Variants in MARK3 observed in about 807,000 individuals in gnomAD.
The protein encoded by MARK3 is MAP/microtubule affinity-regulating kinase 3.
A neutral mutation model predicts 90.1 loss-of-function variants in MARK3; 46 were observed. That is an observed-to-expected ratio of 0.51 (90% CI 0.40 to 0.65). The LOEUF is 0.65. Among genes scored for constraint, MARK3 ranks in the 30% least tolerant of loss-of-function variants. The pLI is 0.00. For missense variants in MARK3, 818 were observed against 947.2 expected, an observed-to-expected ratio of 0.86 and a Z score of 1.79; for synonymous variants, 321 against 332.6, an observed-to-expected ratio of 0.97 and a Z score of 0.38.
At chr14:103,468,589 G>A (rs1051036268) in intron 12 of MARK3, among the ~76,000 whole-genome samples, 38 of 151,798 alleles carry the variant, frequency 2.5e-4, no homozygotes, top group Non-Finnish European at 4.4e-4. Flanking sequence ...GCCTCCCAGA[G>A]CGCTGGAATT....
At chr14:103,405,031 T>G (rs2140679296) in intron 1 of MARK3, 45 bp from the exon 2 acceptor site, 1 of 1,516,048 alleles carries the variant, frequency 6.6e-7, no homozygotes, top group South Asian at 1.2e-5. Context: ...TGGCAAGTAC[T>G]CTGTGTTCTC....
chr14:103,462,538 G>A (rs561624048), intron 7 of MARK3, 77 bp downstream of exon 7: 5 of 1,053,624 alleles, frequency 4.7e-6, no homozygotes, highest in Non-Finnish European at 7.0e-6. Flanking sequence ...ACACAAATGA[G>A]GTATAGATTA....
intron 3 of MARK3, among the ~76,000 whole-genome samples, chr14:103,436,207 A>G (rs1431420641): frequency 4.6e-5 from 7 of 152,070 alleles, no homozygotes; most frequent in African/African-American, 9.7e-5. Flanking sequence ...TATTTTAAAG[A>G]TGACCCCTTC....
At chr14:103,412,459 G>T in intron 2 of MARK3, 1 of 541,700 alleles carries the variant, frequency 1.8e-6, no homozygotes, top group Non-Finnish European at 3.3e-6. Flanking sequence ...CATACTTCTT[G>T]GCCAGCTTCT....
At chr14:103,416,086 G>A (rs1427818331) in intron 2 of MARK3, among the ~76,000 whole-genome samples, 1 of 152,066 alleles carries the variant, frequency 6.6e-6, no homozygotes, top group African/African-American at 2.4e-5. Flanking sequence ...GTAAAGCTTT[G>A]TCTAAAATTA....
chr14:103,407,287 A>C (rs1017638537), intron 2 of MARK3, among the ~76,000 whole-genome samples: 1 of 152,156 alleles, frequency 6.6e-6, no homozygotes, highest in African/African-American at 2.4e-5. Context: ...TCAGGTATAC[A>C]CTTATGTGTA....
At chr14:103,499,283 A>G (rs922054326) in intron 16 of MARK3, 1 of 151,098 alleles carries the variant, frequency 6.6e-6, no homozygotes, top group Non-Finnish European at 1.5e-5. Flanking sequence ...ACATGGCAAA[A>G]CCCCGCCTCT....
intron 3 of MARK3, among the ~76,000 whole-genome samples, chr14:103,433,422 A>G (rs2092640282): frequency 6.6e-6 from 1 of 151,588 alleles, no homozygotes; most frequent in Non-Finnish European, 1.5e-5. Context: ...GGCTGGACGC[A>G]GTGGCACACG....
At chr14:103,390,522 A>G (rs1377219876) in intron 1 of MARK3, among the ~76,000 whole-genome samples, 1 of 152,242 alleles carries the variant, frequency 6.6e-6, no homozygotes, top group South Asian at 2.1e-4. Flanking sequence ...CCCGGGCCAC[A>G]TTGGAAGAAT....
Position 103,390,204 on chromosome 14 carries a change from C to T in MARK3, c.51+4124C>T, listed in dbSNP as rs867020792. Among the ~76,000 whole-genome samples, 59 of 142,446 alleles carry T rather than the reference C, an allele frequency of 4.1e-4. 1 individual carries two copies. The highest frequency in any genetic ancestry group is 1.5e-3 in the African/African-American group (56 of 38,234). The allele number at this position is 142,446 out of a possible 152,430, so 93.5% of individuals were successfully genotyped here. A position where few individuals can be genotyped will look rare whatever the true frequency, so the allele number is the denominator to read the frequency against. Reference sequence around the variant, plus strand: ...CGGAGCTTGCAGTGAGCCAAGATGGCGCCACTGCACTCCAGCCTGGGCGAC... The same window carrying T: ...CGGAGCTTGCAGTGAGCCAAGATGGTGCCACTGCACTCCAGCCTGGGCGAC... On this transcript the variant is annotated intron_variant, in intron 1 of 17. Transcript: ENST00000429436.
At chr14:103,436,321 C>G (rs988561469) in intron 3 of MARK3, among the ~76,000 whole-genome samples, 2 of 152,166 alleles carry the variant, frequency 1.3e-5, no homozygotes, top group Non-Finnish European at 2.9e-5. Context: ...GTACCCAGTT[C>G]CTGGCCTCCT....
intron 1 of MARK3, among the ~76,000 whole-genome samples, chr14:103,389,491 G>A (rs1380366562): frequency 5.7e-5 from 7 of 122,112 alleles, no homozygotes; most frequent in Non-Finnish European, 9.6e-5. Flanking sequence ...TCATGCCACT[G>A]CACTGCAGCC....
intron 4 of MARK3, among the ~76,000 whole-genome samples, chr14:103,451,051 C>T (rs1029368915): frequency 6.6e-6 from 1 of 151,114 alleles, no homozygotes; most frequent in African/African-American, 2.4e-5. Flanking sequence ...CCACCTCAGC[C>T]TCCCGAGTAG....
At chr14:103,397,055 A>G (rs1349486186) in intron 1 of MARK3, among the ~76,000 whole-genome samples, 3 of 152,148 alleles carry the variant, frequency 2.0e-5, no homozygotes, top group African/African-American at 7.2e-5. Flanking sequence ...AACGTATTAA[A>G]TATGTTTCTT....
chr14:103,456,356 G>A (rs2093278262), intron 5 of MARK3, among the ~76,000 whole-genome samples: 1 of 152,126 alleles, frequency 6.6e-6, no homozygotes, highest in East Asian at 1.9e-4. Context: ...CTCACTTGTA[G>A]TAGAGCCAGA....
intron 2 of MARK3, among the ~76,000 whole-genome samples, chr14:103,414,929 G>A (rs1239722837): frequency 6.6e-6 from 1 of 151,784 alleles, no homozygotes; most frequent in African/African-American, 2.4e-5. Context: ...TCAAGAGATC[G>A]AGACCTGAGG....
chr14:103,386,176 G>A, intron 1 of MARK3, 96 bp downstream of exon 1: 1 of 1,221,490 alleles, frequency 8.2e-7, no homozygotes, highest in Non-Finnish European at 1.2e-6. Context: ...CCAGCCGAAC[G>A]CTCTGGAAAT....
At position 103,457,223 on chromosome 14, in the gene MARK3, A is replaced by G; in HGVS notation, c.483+11A>G. The G allele has an allele frequency of 6.4e-7, 1 of 1,573,812 alleles. No homozygotes were observed. Among genetic ancestry groups the G allele is most frequent in the Admixed American group, 1.7e-5 (1 of 59,822 alleles). ...TCTAAATTTAGACAGGTATGAATTAATGTGTCTTTACTATGTCAATTTGAT... is the reference window on the plus strand; with the variant it reads ...TCTAAATTTAGACAGGTATGAATTAGTGTGTCTTTACTATGTCAATTTGAT... On this transcript the variant is annotated intron_variant, in intron 6 of 17. Coordinates refer to ENST00000429436, the MANE Select transcript of MARK3 (RefSeq NM_001128918.3).
intron 15 of MARK3, among the ~76,000 whole-genome samples, chr14:103,495,034 T>C (rs2075262489): frequency 6.6e-6 from 1 of 152,226 alleles, no homozygotes; most frequent in Non-Finnish European, 1.5e-5. Context: ...GTATCATATA[T>C]ATACACTTAT....
Sources: gnomAD v4.1 joint callset for allele counts (sites outside exome capture counted in the v4.1 genomes callset) on GRCh38, gnomAD v4.1.1 for gene constraint, MANE v1.5 for transcripts, NCBI Gene and HGNC (gene_info 2026-07-23, HGNC 2026-07-21) for gene names.